Variants in AKAP6 observed in about 807,000 individuals in gnomAD.
The protein encoded by AKAP6 is A-kinase anchoring protein 6.
Under a neutral mutation model 188.5 loss-of-function variants are expected in AKAP6, and 58 were observed. The ratio of observed to expected loss-of-function variants is 0.31; its 90% CI spans 0.25 to 0.38. AKAP6 has a LOEUF of 0.38. Ranked by LOEUF, AKAP6 falls within the 10% of genes least tolerant of loss-of-function variation. The pLI, the probability that AKAP6 is intolerant of heterozygous loss-of-function variation, is 1.00. For missense variants in AKAP6, 2,710 were observed against 2,740.0 expected, an observed-to-expected ratio of 0.99 and a Z score of 0.24; for synonymous variants, 989 against 998.6, an observed-to-expected ratio of 0.99 and a Z score of 0.18.
At chr14:32,443,339 G>A (rs1267003670) in intron 2 of AKAP6, among the ~76,000 whole-genome samples, 1 of 151,810 alleles carries the variant, frequency 6.6e-6, no homozygotes, top group Non-Finnish European at 1.5e-5. Context: ...GTTGCAGTGA[G>A]CTGAGATCAC....
intron 5 of AKAP6, among the ~76,000 whole-genome samples, chr14:32,589,315 T>C (rs1885380768): frequency 6.6e-6 from 1 of 152,186 alleles, no homozygotes; most frequent in Non-Finnish European, 1.5e-5. Context: ...GCAGAGAGTT[T>C]AGTGGGAAGT....
intron 2 of AKAP6, among the ~76,000 whole-genome samples, chr14:32,516,839 C>T (rs570499000): frequency 6.6e-6 from 1 of 152,154 alleles, no homozygotes; most frequent in African/African-American, 2.4e-5. Context: ...AATGAACAGC[C>T]CTATTGCCTT....
intron 1 of AKAP6, among the ~76,000 whole-genome samples, chr14:32,339,704 G>A (rs1005686152): frequency 3.9e-5 from 6 of 152,128 alleles, no homozygotes; most frequent in Non-Finnish European, 7.4e-5. Context: ...AGAGTGATAA[G>A]CCATGACAGT....
At chr14:32,600,230 A>C (rs1566597807) in intron 6 of AKAP6, among the ~76,000 whole-genome samples, 2 of 152,202 alleles carry the variant, frequency 1.3e-5, no homozygotes, top group Non-Finnish European at 2.9e-5. Flanking sequence ...TTTCTCATTG[A>C]ATTGACTTTA....
intron 12 of AKAP6, among the ~76,000 whole-genome samples, chr14:32,810,562 A>G (rs758921366): frequency 3.5e-4 from 53 of 152,184 alleles, no homozygotes; most frequent in Non-Finnish European, 8.8e-5. Context: ...CATAGGAATC[A>G]GAGTATAAAA....
At chr14:32,458,494 T>C (rs752274197) in intron 2 of AKAP6, among the ~76,000 whole-genome samples, 30 of 152,298 alleles carry the variant, frequency 2.0e-4, no homozygotes, top group South Asian at 1.2e-3. Context: ...CCTATATTAT[T>C]TGTAATTGTA....
intron 9 of AKAP6, among the ~76,000 whole-genome samples, chr14:32,697,136 G>T (rs189688085): frequency 6.6e-6 from 1 of 151,972 alleles, no homozygotes; most frequent in Non-Finnish European, 1.5e-5. Context: ...TTCTTCAATG[G>T]TATCATTTTA....
chr14:32,608,831 T>A (rs996160522), intron 7 of AKAP6, among the ~76,000 whole-genome samples: 42 of 152,174 alleles, frequency 2.8e-4, no homozygotes, highest in African/African-American at 9.2e-4. Flanking sequence ...AAATATAATA[T>A]AGAGTAAACA....
intron 1 of AKAP6, among the ~76,000 whole-genome samples, chr14:32,397,612 C>T (rs1888924191): frequency 6.6e-6 from 1 of 152,056 alleles, no homozygotes; most frequent in Non-Finnish European, 1.5e-5. Context: ...TATCTTTATT[C>T]CCCAATTGGA....
intron 2 of AKAP6, among the ~76,000 whole-genome samples, chr14:32,509,221 T>C (rs576924736): frequency 2.5e-4 from 37 of 147,132 alleles, no homozygotes; most frequent in African/African-American, 8.8e-4. Flanking sequence ...GGCTCCTGGG[T>C]TCAAGCGATT....
rs185151244 is a variant in AKAP6 at position 32,836,883 on chromosome 14, G to C, written c.*7078G>C. 1.3e-5 allele frequency: 2 copies of C among 152,098 alleles called. No homozygotes were observed. The highest frequency in any genetic ancestry group is 4.8e-5 in the African/African-American group (2 of 41,510). 9.4% of individuals were successfully genotyped at this position (152,098 alleles called of 1,614,324 possible). ...CTTGAGCTTCCTGGTGTGTTCTTCA[G>C]AAAAAAAGGAATTCAAAAAGCAAAT... On this transcript the variant is annotated 3_prime_UTR_variant, in exon 14 of 14. Coordinates refer to ENST00000280979, the MANE Select transcript of AKAP6 (RefSeq NM_004274.5).
intron 12 of AKAP6, among the ~76,000 whole-genome samples, chr14:32,797,674 G>A (rs1482288428): frequency 6.6e-6 from 1 of 152,054 alleles, no homozygotes; most frequent in African/African-American, 2.4e-5. Context: ...ATGATGCTGA[G>A]CTTAATACCT....
intron 3 of AKAP6, among the ~76,000 whole-genome samples, chr14:32,541,424 G>T (rs1319670440): frequency 6.6e-6 from 1 of 152,128 alleles, no homozygotes; most frequent in East Asian, 1.9e-4. Context: ...GTCTTAAGGT[G>T]CAATAACCAC....
chr14:32,521,507 A>G (rs570202897), intron 2 of AKAP6, among the ~76,000 whole-genome samples: 21 of 152,346 alleles, frequency 1.4e-4, no homozygotes, highest in African/African-American at 4.3e-4. Flanking sequence ...TACAAAATCA[A>G]TGTGCAAAAA....
At chr14:32,483,602 A>G (rs1879486573) in intron 2 of AKAP6, among the ~76,000 whole-genome samples, 1 of 152,082 alleles carries the variant, frequency 6.6e-6, no homozygotes. Flanking sequence ...CTCCTGCCTC[A>G]GCCTCCTGAG....
chr14:32,772,629 C>T (rs1024314393), intron 11 of AKAP6, among the ~76,000 whole-genome samples: 6 of 152,156 alleles, frequency 3.9e-5, no homozygotes, highest in African/African-American at 1.4e-4. Flanking sequence ...CATTTCAGCG[C>T]ACCACACTTA....
intron 12 of AKAP6, among the ~76,000 whole-genome samples, chr14:32,792,929 G>A (rs562004977): frequency 1.3e-4 from 20 of 152,222 alleles, no homozygotes; most frequent in Non-Finnish European, 2.6e-4. Flanking sequence ...GCCAAACTAA[G>A]CTTCATAAGC....
Position 32,823,306 on chromosome 14 carries a change from A to AAGT in AKAP6, c.5496_5498dup (p.Ser1834dup), listed in dbSNP as rs1566738456. 1 of 1,613,796 alleles carries AAGT rather than the reference A, an allele frequency of 6.2e-7. No homozygotes were observed. The highest frequency in any genetic ancestry group is 1.3e-5 in the African/African-American group (1 of 74,902). On this transcript the variant is annotated inframe_insertion, in exon 13 of 14. Transcript: ENST00000280979. ...ATGAGATGAAGGGCAGTAAAGATAT[A>AAGT]AGTAGCAGTGAGATGACCAATCCCT... is the stretch of plus-strand genomic sequence containing the variant.
At chr14:32,628,386 A>C (rs1887112793) in intron 7 of AKAP6, among the ~76,000 whole-genome samples, 1 of 152,118 alleles carries the variant, frequency 6.6e-6, no homozygotes, top group East Asian at 1.9e-4. Flanking sequence ...ACATAAAATT[A>C]CATGTTCTTT....
Sources: allele counts gnomAD v4.1 joint callset (sites outside exome capture counted in the v4.1 genomes callset), GRCh38; gene constraint gnomAD v4.1.1; transcripts MANE v1.5; gene names NCBI Gene and HGNC (gene_info 2026-07-23, HGNC 2026-07-21).